Variants in ATXN1 observed in about 807,000 individuals in gnomAD.
The protein encoded by ATXN1 is ataxin-1.
ATXN1 carries 8 observed loss-of-function variants against 56.4 expected under a neutral mutation model. The observed-to-expected ratio is 0.14, with a 90% CI of 0.08 to 0.26. ATXN1 has a LOEUF of 0.26. ATXN1 is among the 10% of genes least tolerant of loss of function. The probability of loss-of-function intolerance (pLI) is 1.00; values close to 1 mark genes in which losing one functional copy is unlikely to be tolerated. For missense variants in ATXN1, 987 were observed against 1,106.5 expected, an observed-to-expected ratio of 0.89 and a Z score of 1.53; for synonymous variants, 514 against 494.6, an observed-to-expected ratio of 1.04 and a Z score of -0.52.
intron 6 of ATXN1, among the ~76,000 whole-genome samples, chr6:16,381,018 G>A (rs754776708): frequency 2.0e-5 from 3 of 152,168 alleles, no homozygotes; most frequent in African/African-American, 4.8e-5. Context: ...TGGGCTGGGC[G>A]CGGTGGCTCA....
intron 3 of ATXN1, among the ~76,000 whole-genome samples, chr6:16,587,858 G>A (rs1162795843): frequency 6.6e-6 from 1 of 151,796 alleles, no homozygotes; most frequent in Non-Finnish European, 1.5e-5. Flanking sequence ...TTGAACCTGG[G>A]AGGCAGAGGT....
intron 3 of ATXN1, among the ~76,000 whole-genome samples, chr6:16,627,504 G>A (rs779452931): frequency 3.3e-5 from 5 of 152,104 alleles, no homozygotes; most frequent in Admixed American, 6.6e-5. Context: ...CGAGGTGGGC[G>A]GGTCACGAGG....
intron 6 of ATXN1, among the ~76,000 whole-genome samples, chr6:16,442,986 C>T (rs111451193): frequency 0.029 from 4,379 of 151,026 alleles, 198 homozygotes; most frequent in African/African-American, 0.099. Flanking sequence ...CTCTCCAGCC[C>T]GGGTGACAGA....
chr6:16,583,858 G>A (rs1762571005), intron 4 of ATXN1, among the ~76,000 whole-genome samples: 1 of 152,174 alleles, frequency 6.6e-6, no homozygotes, highest in Non-Finnish European at 1.5e-5. Context: ...AGAGGAGGAT[G>A]AAAAGAGGGA....
intron 6 of ATXN1, among the ~76,000 whole-genome samples, chr6:16,382,449 G>A (rs1246649854): frequency 6.6e-6 from 1 of 152,080 alleles, no homozygotes; most frequent in Non-Finnish European, 1.5e-5. Flanking sequence ...GGTGACAAGA[G>A]TGAGACTCTC....
intron 6 of ATXN1, among the ~76,000 whole-genome samples, chr6:16,411,110 G>C (rs1758788134): frequency 7.5e-6 from 1 of 133,536 alleles, no homozygotes; most frequent in South Asian, 2.5e-4. Context: ...GGGTGACAGA[G>C]TGAGACCTCT....
At chr6:16,466,454 G>A (rs183276595) in intron 6 of ATXN1, among the ~76,000 whole-genome samples, 162 of 151,574 alleles carry the variant, frequency 1.1e-3, no homozygotes, top group African/African-American at 3.4e-3. Context: ...TTAGGATAGC[G>A]CAAGAGGGCA....
At chr6:16,520,241 G>A (rs923728353) in intron 5 of ATXN1, among the ~76,000 whole-genome samples, 9 of 152,074 alleles carry the variant, frequency 5.9e-5, no homozygotes, top group Admixed American at 3.9e-4. Flanking sequence ...AGGGACTCAC[G>A]TTTTACAAGG....
chr6:16,429,953 G>A (rs1279007585), intron 6 of ATXN1, among the ~76,000 whole-genome samples: 2 of 152,192 alleles, frequency 1.3e-5, no homozygotes, highest in Admixed American at 6.5e-5. Flanking sequence ...ACATTTTTAA[G>A]TACACGTGCC....
chr6:16,485,244 GAAAGT>G (rs1325576582), intron 6 of ATXN1: 2 of 152,068 alleles, frequency 1.3e-5, no homozygotes, highest in East Asian at 3.9e-4. Flanking sequence ...AAATTCTCTA[GAAAGT>G]AGGAGGGCTG....
At chr6:16,496,748 T>C (rs548804736) in intron 5 of ATXN1, among the ~76,000 whole-genome samples, 6 of 152,292 alleles carry the variant, frequency 3.9e-5, no homozygotes, top group African/African-American at 1.4e-4. Context: ...CCATGAGCAT[T>C]CTACAAGTTT....
At chr6:16,468,602 T>C (rs1390023009) in intron 6 of ATXN1, among the ~76,000 whole-genome samples, 1 of 152,068 alleles carries the variant, frequency 6.6e-6, no homozygotes, top group African/African-American at 2.4e-5. Flanking sequence ...AGTAAGCGAG[T>C]ATATGCTATC....
intron 2 of ATXN1, among the ~76,000 whole-genome samples, chr6:16,710,576 T>C (rs1759502026): frequency 6.6e-6 from 1 of 152,184 alleles, no homozygotes. Flanking sequence ...CATTTATTCA[T>C]TATTTTTGAA....
rs1191889344 is a variant in ATXN1 at position 16,594,042 on chromosome 6, CAT to C, written c.-488-8137_-488-8136del. On this transcript the variant is annotated intron_variant, in intron 3 of 7. Transcript: ENST00000436367. ...TAATATACATATTAGTCAAATTATA[CAT>C]ATTAGTTCAATTATTATATATTAGA... Among the ~76,000 whole-genome samples the C allele has an allele frequency of 2.0e-5, 3 of 148,444 alleles. No individual in the cohort carries two copies. The East Asian group carries it at 5.9e-4, about 29-fold the overall frequency.
intron 2 of ATXN1, among the ~76,000 whole-genome samples, chr6:16,662,586 G>A (rs547890247): frequency 7.2e-5 from 11 of 152,246 alleles, no homozygotes; most frequent in Admixed American, 1.3e-4. Flanking sequence ...TGCTGGTCTC[G>A]GCCTCCCAAA....
intron 4 of ATXN1, among the ~76,000 whole-genome samples, chr6:16,577,772 GC>G (rs539590212): frequency 0.066 from 10,001 of 152,118 alleles, 1,011 homozygotes; most frequent in African/African-American, 0.22. Flanking sequence ...GTCTCTGAGA[GC>G]TCACTCCATG....
At chr6:16,519,081 G>A (rs965884950) in intron 5 of ATXN1, among the ~76,000 whole-genome samples, 7 of 152,132 alleles carry the variant, frequency 4.6e-5, no homozygotes, top group African/African-American at 1.4e-4. Context: ...AGAATATAAC[G>A]TTGTCGTGAA....
intron 6 of ATXN1, among the ~76,000 whole-genome samples, chr6:16,429,773 C>T (rs931378325): frequency 5.3e-5 from 8 of 152,068 alleles, no homozygotes; most frequent in African/African-American, 1.9e-4. Flanking sequence ...TAGGCCCATT[C>T]GATCCACATA....
At chr6:16,587,366 C>A (rs138863737) in intron 3 of ATXN1, among the ~76,000 whole-genome samples, 2 of 152,114 alleles carry the variant, frequency 1.3e-5, no homozygotes, top group African/African-American at 4.8e-5. Flanking sequence ...AGAGGAATTT[C>A]GATATCTAAT....
Sources: allele counts gnomAD v4.1 joint callset (sites outside exome capture counted in the v4.1 genomes callset), GRCh38; gene constraint gnomAD v4.1.1; transcripts MANE v1.5; gene names NCBI Gene and HGNC (gene_info 2026-07-23, HGNC 2026-07-21).